The following CDH12 variants were observed in gnomAD, a reference collection of about 807,000 sequenced individuals.
CDH12 encodes the protein cadherin-12.
A neutral mutation model predicts 74.1 loss-of-function variants in CDH12; 41 were observed. The observed-to-expected ratio is 0.55, with a 90% confidence interval of 0.43 to 0.72. The LOEUF is 0.72. CDH12 is among the 30% of genes least tolerant of loss of function. The probability of loss-of-function intolerance (pLI) is 0.00; values close to 1 mark genes in which losing one functional copy is unlikely to be tolerated. For synonymous variants in CDH12, 399 were observed against 355.0 expected (o/e 1.12, Z -1.39); for missense variants, 945 against 977.2 (o/e 0.97, Z 0.44).
chr5:22,850,117 A>G (rs1737478216), intron 1 of CDH12, among the ~76,000 whole-genome samples: 1 of 152,060 alleles, frequency 6.6e-6, no homozygotes. Context: ...TTCATCTGTA[A>G]TTTTAGAACA....
chr5:22,228,730 T>A (rs968950214), intron 3 of CDH12, among the ~76,000 whole-genome samples: 9 of 152,032 alleles, frequency 5.9e-5, no homozygotes, highest in African/African-American at 2.2e-4. Context: ...TGGAAAAGCA[T>A]AAATCCCTTA....
intron 1 of CDH12, among the ~76,000 whole-genome samples, chr5:22,633,609 A>G (rs1561541676): frequency 6.6e-6 from 1 of 152,188 alleles, no homozygotes; most frequent in South Asian, 2.1e-4. Context: ...CTCAAATAGA[A>G]TGAAAAGGTG....
intron 1 of CDH12, among the ~76,000 whole-genome samples, chr5:22,505,781 C>T (rs1056642411): frequency 2.6e-5 from 4 of 152,022 alleles, no homozygotes; most frequent in African/African-American, 4.8e-5. Flanking sequence ...TGACCTTGAA[C>T]GTTTTGAAAA....
At chr5:22,371,446 A>G (rs1253337434) in intron 3 of CDH12, among the ~76,000 whole-genome samples, 1 of 152,188 alleles carries the variant, frequency 6.6e-6, no homozygotes, top group African/African-American at 2.4e-5. Context: ...TAAATTTGAA[A>G]ATAAGGCCAT....
At chr5:22,076,255 A>G (rs1165868204) in intron 5 of CDH12, among the ~76,000 whole-genome samples, 7 of 152,228 alleles carry the variant, frequency 4.6e-5, no homozygotes, top group Admixed American at 3.9e-4. Flanking sequence ...TTTTAAATAA[A>G]CTGGATGAAT....
At chr5:21,994,457 G>A (rs574255341) in intron 5 of CDH12, among the ~76,000 whole-genome samples, 10 of 151,868 alleles carry the variant, frequency 6.6e-5, no homozygotes, top group Non-Finnish European at 1.2e-4. Flanking sequence ...AACAATATTC[G>A]GCCTAAGTGA....
chr5:22,117,437 T>TATATATATATAATATATATATA (rs1561128410), intron 4 of CDH12, among the ~76,000 whole-genome samples: 1 of 102,516 alleles, frequency 9.8e-6, no homozygotes, highest in Non-Finnish European at 1.9e-5. Flanking sequence ...ATATATAAAT[T>TATATATATATAATATATATATA]ATATATATAT....
chr5:22,317,451 G>A (rs2150434331), intron 3 of CDH12, among the ~76,000 whole-genome samples: 2 of 152,070 alleles, frequency 1.3e-5, no homozygotes, highest in Middle Eastern at 3.4e-3. Flanking sequence ...TATATAACAT[G>A]TATACATAAA....
intron 6 of CDH12, among the ~76,000 whole-genome samples, chr5:21,958,463 T>C (rs1756199115): frequency 6.6e-6 from 1 of 152,212 alleles, no homozygotes; most frequent in African/African-American, 2.4e-5. Context: ...CTTGAGTTGA[T>C]TTTTGTATAT....
intron 14 of CDH12, among the ~76,000 whole-genome samples, chr5:21,752,750 GAAGGAAGA>G (rs1378039317): frequency 6.6e-6 from 1 of 151,894 alleles, no homozygotes; most frequent in African/African-American, 2.4e-5. Context: ...GTAGAGGAAG[GAAGGAAGA>G]AAGGAAAGAA....
intron 1 of CDH12, among the ~76,000 whole-genome samples, chr5:22,660,126 TG>T: frequency 6.6e-6 from 1 of 152,308 alleles, no homozygotes; most frequent in Middle Eastern, 3.4e-3. Context: ...TTGAAAAGCA[TG>T]GAGATATTTG....
chr5:22,579,784 G>A (rs1739986100), intron 1 of CDH12, among the ~76,000 whole-genome samples: 1 of 152,080 alleles, frequency 6.6e-6, no homozygotes, highest in Non-Finnish European at 1.5e-5. Flanking sequence ...CAGATTAATT[G>A]TATCTTTATG....
intron 3 of CDH12, among the ~76,000 whole-genome samples, chr5:22,378,171 T>A (rs1741617375): frequency 6.6e-6 from 1 of 152,140 alleles, no homozygotes; most frequent in African/African-American, 2.4e-5. Flanking sequence ...AAATCCACTG[T>A]GTACAAATAC....
At chr5:22,271,067 G>C (rs1408279310) in intron 3 of CDH12, among the ~76,000 whole-genome samples, 1 of 152,068 alleles carries the variant, frequency 6.6e-6, no homozygotes, top group African/African-American at 2.4e-5. Flanking sequence ...GAATTTATCT[G>C]TGGGTTTCTC....
chr5:22,011,127 G>A (rs964005074), intron 5 of CDH12, among the ~76,000 whole-genome samples: 4 of 152,024 alleles, frequency 2.6e-5, no homozygotes, highest in African/African-American at 9.7e-5. Context: ...CAGTACAGAT[G>A]GAGAGGTTAG....
intron 6 of CDH12, among the ~76,000 whole-genome samples, chr5:21,893,791 A>G (rs1369954898): frequency 6.6e-6 from 1 of 152,182 alleles, no homozygotes; most frequent in Non-Finnish European, 1.5e-5. Context: ...GTAGAGTTAT[A>G]AAGAAACAAA....
At chr5:22,117,589 G>A (rs1745251939) in intron 4 of CDH12, among the ~76,000 whole-genome samples, 1 of 135,086 alleles carries the variant, frequency 7.4e-6, no homozygotes, top group Non-Finnish European at 1.6e-5. Context: ...AGGGCTATTG[G>A]TCCTTGATTT....
At chr5:21,753,417 C>A (rs1324352757) in intron 14 of CDH12, among the ~76,000 whole-genome samples, 1 of 152,088 alleles carries the variant, frequency 6.6e-6, no homozygotes, top group Admixed American at 6.6e-5. Context: ...GTTCCTCTAC[C>A]AAGTATGTGA....
chr5:22,529,406 G>C (rs1459782806), intron 1 of CDH12, among the ~76,000 whole-genome samples: 1 of 151,724 alleles, frequency 6.6e-6, no homozygotes, highest in Non-Finnish European at 1.5e-5. Context: ...ATTCTGACAG[G>C]CTCAAGATCC....
Sources: gnomAD v4.1 joint callset for allele counts (sites outside exome capture counted in the v4.1 genomes callset) on GRCh38, gnomAD v4.1.1 for gene constraint, MANE v1.5 for transcripts, NCBI Gene and HGNC (gene_info 2026-07-23, HGNC 2026-07-21) for gene names.